The following TTC27 variants were observed in gnomAD, a reference collection of about 807,000 sequenced individuals.
TTC27 encodes the protein tetratricopeptide repeat domain 27.
A neutral mutation model predicts 115.9 loss-of-function variants in TTC27; 79 were observed. That is an observed-to-expected ratio of 0.68 (90% CI 0.57 to 0.82). The LOEUF (loss-of-function observed/expected upper bound fraction) is 0.82. Ranked by LOEUF, TTC27 falls within the 40% of genes least tolerant of loss-of-function variation. The pLI is 0.00. For missense variants in TTC27, 1,054 were observed against 993.1 expected, an observed-to-expected ratio of 1.06 and a Z score of -0.82; for synonymous variants, 401 against 356.0, an observed-to-expected ratio of 1.13 and a Z score of -1.42.
chr2:32,764,475 C>A (rs776422310), intron 13 of TTC27, among the ~76,000 whole-genome samples: 5 of 152,236 alleles, frequency 3.3e-5, no homozygotes, highest in Middle Eastern at 3.4e-3. Flanking sequence ...ATTATCTGAG[C>A]CTTCAGTGAG....
intron 4 of TTC27, among the ~76,000 whole-genome samples, chr2:32,647,643 C>A (rs1057345963): frequency 6.6e-6 from 1 of 152,068 alleles, no homozygotes; most frequent in East Asian, 1.9e-4. Flanking sequence ...TAGAAGGGAA[C>A]GTCTTAGTCA....
intron 4 of TTC27, among the ~76,000 whole-genome samples, chr2:32,649,746 A>G (rs1482427088): frequency 6.6e-6 from 1 of 152,010 alleles, no homozygotes; most frequent in Non-Finnish European, 1.5e-5. Context: ...GGGTTTCACC[A>G]TGTTGGCCAG....
intron 5 of TTC27, among the ~76,000 whole-genome samples, chr2:32,651,269 T>A (rs1665111546): frequency 6.6e-6 from 1 of 152,196 alleles, no homozygotes; most frequent in African/African-American, 2.4e-5. Flanking sequence ...AGGTAGCACA[T>A]TCATGAAGGT....
In TTC27 at chr2:32,736,578, A is replaced by C. The variant is rs926932040; in HGVS notation, c.1330-116A>C. Reference sequence around the variant, plus strand: ...CTAAATAGTACAGATTGTAGAATTTATACATTTATTACAATAAGCAGACCC... The same window carrying C: ...CTAAATAGTACAGATTGTAGAATTTCTACATTTATTACAATAAGCAGACCC... On this transcript the variant is annotated intron_variant, in intron 11 of 19. Transcript: ENST00000317907. The C allele has an allele frequency of 3.7e-6, 4 of 1,080,984 alleles. No individual in the cohort carries two copies. In the African/African-American group the frequency reaches 6.4e-5, roughly 17 times the overall value. 67.0% of individuals were successfully genotyped at this position (1,080,984 alleles called of 1,614,324 possible).
intron 12 of TTC27, among the ~76,000 whole-genome samples, chr2:32,746,722 T>C (rs1386054370): frequency 3.3e-5 from 5 of 152,196 alleles, no homozygotes; most frequent in Admixed American, 3.3e-4. Flanking sequence ...GGTACTTTAT[T>C]TATGTTCACT....
intron 12 of TTC27, among the ~76,000 whole-genome samples, chr2:32,755,331 G>A (rs112472423): frequency 0.021 from 3,151 of 152,302 alleles, 47 homozygotes; most frequent in Non-Finnish European, 0.033. Flanking sequence ...CTGCAATCCC[G>A]GCACCTCGGG....
At chr2:32,639,132 C>T (rs1243700153) in intron 3 of TTC27, among the ~76,000 whole-genome samples, 1 of 152,244 alleles carries the variant, frequency 6.6e-6, no homozygotes, top group East Asian at 1.9e-4. Flanking sequence ...GTGCCCGGCC[C>T]AGTTATTTCA....
In TTC27 at chr2:32,640,391, A is replaced by G; in HGVS notation, c.518A>G (p.His173Arg). 6.2e-7 allele frequency: 1 copy of G among 1,613,690 alleles called. No individual in the cohort carries two copies. The highest frequency in any genetic ancestry group is 1.1e-5 in the South Asian group (1 of 90,998). Residue 173 changes from histidine to arginine, a missense_variant, in exon 4 of 20, where the codon CAT (histidine) becomes CGT (arginine). Transcript: ENST00000317907. ...CGCATTATCCTAGTGAATGTAAGAC[A>G]TAAACTGACAGCTATTCAGGTAAGG... ...LARIILVNVR[H>R]KLTAIQSLPW...
intron 9 of TTC27, among the ~76,000 whole-genome samples, chr2:32,692,466 A>G (rs2151895704): frequency 6.6e-6 from 1 of 152,284 alleles, no homozygotes; most frequent in South Asian, 2.1e-4. Context: ...CAGCTGCAAG[A>G]TGAAAGTAGT....
chr2:32,744,440 G>A (rs1199299138), intron 12 of TTC27, among the ~76,000 whole-genome samples: 1 of 152,106 alleles, frequency 6.6e-6, no homozygotes, highest in Non-Finnish European at 1.5e-5. Context: ...GTTGACAACA[G>A]CAATTTTTCT....
At chr2:32,781,715 G>A (rs1670184857) in intron 14 of TTC27, among the ~76,000 whole-genome samples, 1 of 152,084 alleles carries the variant, frequency 6.6e-6, no homozygotes, top group Non-Finnish European at 1.5e-5. Context: ...TAAAGTGCTG[G>A]GATTACAGAT....
intron 14 of TTC27, among the ~76,000 whole-genome samples, chr2:32,782,180 G>C (rs1176818826): frequency 6.6e-6 from 1 of 152,092 alleles, no homozygotes; most frequent in Non-Finnish European, 1.5e-5. Context: ...TATCTTTGAT[G>C]GATGAAATAC....
At chr2:32,695,984 G>A (rs111328784) in intron 9 of TTC27, among the ~76,000 whole-genome samples, 18,250 of 150,740 alleles carry the variant, frequency 0.12, 1,378 homozygotes, top group Middle Eastern at 0.28. Context: ...TTAGCCGGTC[G>A]TGGTGGCATG....
At chr2:32,813,275 C>G (rs1282742448) in intron 18 of TTC27, among the ~76,000 whole-genome samples, 2 of 152,152 alleles carry the variant, frequency 1.3e-5, no homozygotes, top group African/African-American at 4.8e-5. Flanking sequence ...AACTGAATCA[C>G]AAAGACCTTA....
At chr2:32,646,829 C>T (rs188410431) in intron 4 of TTC27, among the ~76,000 whole-genome samples, 216 of 152,072 alleles carry the variant, frequency 1.4e-3, no homozygotes, top group African/African-American at 5.0e-3. Context: ...TCCCAAAGTG[C>T]TGAGATTACA....
intron 13 of TTC27, among the ~76,000 whole-genome samples, chr2:32,769,967 G>T (rs2148005977): frequency 6.6e-6 from 1 of 152,276 alleles, no homozygotes; most frequent in East Asian, 1.9e-4. Context: ...CTTTTGGGTG[G>T]CCTTGTAAAT....
chr2:32,689,182 A>G (rs1325763573), intron 9 of TTC27, among the ~76,000 whole-genome samples: 8 of 152,142 alleles, frequency 5.3e-5, no homozygotes, highest in Admixed American at 5.2e-4. Context: ...TCACAGATTG[A>G]TTACAAAATG....
intron 10 of TTC27, among the ~76,000 whole-genome samples, chr2:32,703,416 G>T (rs1667258850): frequency 6.6e-6 from 1 of 152,166 alleles, no homozygotes; most frequent in Admixed American, 6.5e-5. Context: ...GCAGTGAGCC[G>T]AGATCGTGCC....
chr2:32,790,670 G>C (rs1670504813), intron 16 of TTC27, among the ~76,000 whole-genome samples: 1 of 152,062 alleles, frequency 6.6e-6, no homozygotes, highest in Admixed American at 6.6e-5. Flanking sequence ...TTAATCCTCT[G>C]TCTGAAACTT....
Sources: gnomAD v4.1 joint callset for allele counts (sites outside exome capture counted in the v4.1 genomes callset) on GRCh38, gnomAD v4.1.1 for gene constraint, MANE v1.5 for transcripts, NCBI Gene and HGNC (gene_info 2026-07-23, HGNC 2026-07-21) for gene names.